SLC17A4: variants seen among roughly 807,000 people sequenced by gnomAD.
SLC17A4 encodes the protein solute carrier family 17 member 4.
In SLC17A4, 33 loss-of-function variants were observed where a neutral mutation model predicts 52.5. The ratio of observed to expected loss-of-function variants is 0.63; its 90% confidence interval spans 0.48 to 0.84. The LOEUF is 0.84. SLC17A4 is among the 40% of genes least tolerant of loss of function. SLC17A4 has a pLI of 0.00. For synonymous variants in SLC17A4, 225 were observed against 216.2 expected (o/e 1.04, Z -0.36); for missense variants, 585 against 597.1 (o/e 0.98, Z 0.21).
rs1033398524 is a variant in SLC17A4 at position 25,780,725 on chromosome 6, A to G, written c.*1537A>G. On this transcript the variant is annotated 3_prime_UTR_variant, in exon 12 of 12. Transcript: ENST00000377905. Reference sequence around the variant, plus strand: ...AGATTAGGTTGGAGTAGGAGCTTACAGTGTAGTCCAGGAGAGAACAATGGC... The same window carrying G: ...AGATTAGGTTGGAGTAGGAGCTTACGGTGTAGTCCAGGAGAGAACAATGGC... 6.6e-6 allele frequency: 1 copy of G among 152,208 alleles called. No individual in the cohort carries two copies. The highest frequency in any genetic ancestry group is 1.5e-5 in the Non-Finnish European group (1 of 68,050). 9.4% of individuals were successfully genotyped at this position (152,208 alleles called of 1,614,324 possible).
At chr6:25,760,867 T>A (rs1761472498) in intron 1 of SLC17A4, among the ~76,000 whole-genome samples, 1 of 152,224 alleles carries the variant, frequency 6.6e-6, no homozygotes, top group Non-Finnish European at 1.5e-5. Context: ...TTTCTTCAAT[T>A]ATTTAAAGCA....
At chr6:25,762,386 C>T (rs111300296) in intron 2 of SLC17A4, among the ~76,000 whole-genome samples, 2 of 152,178 alleles carry the variant, frequency 1.3e-5, no homozygotes, top group African/African-American at 4.8e-5. Context: ...CCTATTAGAT[C>T]TCTCTGCTCA....
At chr6:25,759,470 T>C (rs1369075056) in intron 1 of SLC17A4, among the ~76,000 whole-genome samples, 1 of 152,218 alleles carries the variant, frequency 6.6e-6, no homozygotes, top group African/African-American at 2.4e-5. Flanking sequence ...TTTTATAAAC[T>C]TAAGAGCTCC....
intron 3 of SLC17A4, 21 bp from the exon 4 acceptor site, chr6:25,770,046 G>A: frequency 6.2e-7 from 1 of 1,607,904 alleles, no homozygotes; most frequent in East Asian, 2.2e-5. Context: ...AAGACAAACA[G>A]TAACTCTCTT....
Position 25,779,148 on chromosome 6 carries a change from T to C in SLC17A4, c.1454T>C (p.Val485Ala). 6.2e-7 allele frequency: 1 copy of C among 1,613,916 alleles called. No individual in the cohort carries two copies. The highest frequency in any genetic ancestry group is 8.5e-7 in the Non-Finnish European group (1 of 1,179,834). Residue 485 changes from valine (V) to alanine (A), a missense_variant, in exon 12 of 12, where the codon GTG (valine) becomes GCG (alanine). Coordinates refer to ENST00000377905, the MANE Select transcript of SLC17A4 (RefSeq NM_005495.3). ...TACCTCATCTTTGGCCGAGCAGATG[T>C]GCAGGACTGGGCTAAAGAGCAGACA... ...VFYLIFGRAD[V>A]QDWAKEQTFT...
Position 25,777,898 on chromosome 6 carries a change from A to G in SLC17A4, c.1269-28A>G, listed in dbSNP as rs141991155. The G allele has an allele frequency of 6.1e-4, 970 of 1,581,704 alleles. 12 individuals carry two copies. The East Asian group carries it at 0.02, about 33-fold the overall frequency. ...CTTTCAAACGTAGGTATACTTGGTT[A>G]TAATAGAGTACCATCTCTCTCTCTC... On this transcript the variant is annotated intron_variant, in intron 10 of 11. Transcript: ENST00000377905.
Position 25,770,228 on chromosome 6 carries a change from C to A in SLC17A4, c.459C>A (p.Leu153=), listed in dbSNP as rs371333508. ...TGTTTATTTCCTCATTCCTGACCCT[C>A]TTCATTCCACTGGCAGCTAATGCGG... ...AGLFISSFLT[L]FIPLAANAGV... Residue 153 remains leucine (L), a synonymous_variant, in exon 4 of 12, where the codon CTC becomes CTA. Transcript: ENST00000377905. 5 of 1,614,136 alleles carry A rather than the reference C, an allele frequency of 3.1e-6. No homozygotes were observed. Among genetic ancestry groups the A allele is most frequent in the Non-Finnish European group, 3.4e-6 (4 of 1,179,996 alleles).
intron 1 of SLC17A4, among the ~76,000 whole-genome samples, chr6:25,758,406 ATTG>A (rs1424476722): frequency 7.2e-5 from 11 of 152,208 alleles, no homozygotes; most frequent in Admixed American, 7.2e-4. Flanking sequence ...AAATTACATT[ATTG>A]TTGTAACACA....
chr6:25,770,201 CTTGT>C lies in SLC17A4; in HGVS notation c.435_438del (p.Ile147ProfsTer4), dbSNP rs1230015545. On this transcript the variant is annotated frameshift_variant, in exon 4 of 12. Coordinates refer to ENST00000377905, the MANE Select transcript of SLC17A4 (RefSeq NM_005495.3). LOFTEE classifies it high-confidence loss of function. ...GAGCCAAGTATGTGGTTGGTGCTGG[CTTGT>C]TTATTTCCTCATTCCTGACCCTCTT... 3.1e-6 allele frequency: 5 copies of C among 1,613,970 alleles called. No homozygotes were observed. The highest frequency in any genetic ancestry group is 1.3e-5 in the African/African-American group (1 of 74,904).
At chr6:25,756,094 G>A (rs187614882) in intron 1 of SLC17A4, among the ~76,000 whole-genome samples, 4 of 152,088 alleles carry the variant, frequency 2.6e-5, no homozygotes, top group Non-Finnish European at 5.9e-5. Flanking sequence ...GTCCTTTACA[G>A]CCCATGTGCC....
intron 2 of SLC17A4, among the ~76,000 whole-genome samples, chr6:25,763,865 T>G (rs1381365507): frequency 5.3e-5 from 8 of 152,206 alleles, no homozygotes; most frequent in Admixed American, 5.2e-4. Context: ...TCCATGAGCT[T>G]CTTTCTGTAT....
chr6:25,773,233 T>C, intron 6 of SLC17A4, 42 bp from the exon 7 acceptor site: 1 of 1,456,936 alleles, frequency 6.9e-7, no homozygotes. Context: ...CTGAAAGAAG[T>C]ACTTCAATCC....
intron 10 of SLC17A4, chr6:25,777,601 AACAAC>A (rs1316588841): frequency 1.4e-4 from 29 of 208,622 alleles, no homozygotes; most frequent in African/African-American, 6.9e-4. Flanking sequence ...CAACAACAAC[AACAAC>A]AAAAACCTTA....
rs1762279136 is a variant in SLC17A4, at chr6:25,769,328, G to A, written c.297+138G>A. The A allele has an allele frequency of 4.9e-6, 4 of 819,136 alleles. No individual in the cohort carries two copies. The East Asian group carries it at 8.0e-5, about 16-fold the overall frequency. The allele number at this position is 819,136 out of a possible 1,614,324, so 50.7% of individuals were successfully genotyped here. A position where few individuals can be genotyped will look rare whatever the true frequency, so the allele number is the denominator to read the frequency against. The stretch of plus-strand genomic sequence containing the variant: ...TGCCAGGAATGGCACAAGTACCTAA[G>A]TATCAGGCCGAGCATGGTGGCTCAC... On this transcript the variant is annotated intron_variant, in intron 3 of 11. Transcript: ENST00000377905.
At chr6:25,777,073 C>T (rs1000140139) in intron 10 of SLC17A4, 114 bp downstream of exon 10, 2 of 1,134,870 alleles carry the variant, frequency 1.8e-6, no homozygotes, top group African/African-American at 1.6e-5. Context: ...CAGGAAATGT[C>T]AGCACCAGCT....
Position 25,780,024 on chromosome 6 carries a change from G to A in SLC17A4, c.*836G>A, listed in dbSNP as rs1298348794. 1 of 152,068 alleles carries A rather than the reference G, an allele frequency of 6.6e-6. No homozygotes were observed. Among genetic ancestry groups the A allele is most frequent in the African/African-American group, 2.4e-5 (1 of 41,406 alleles). 9.4% of individuals were successfully genotyped at this position (152,068 alleles called of 1,614,324 possible). A position where few individuals can be genotyped will look rare whatever the true frequency, so the allele number is the denominator to read the frequency against. ...CATTCAGTAGGATTCAATTCAATGTGGAACCATTCAACATTCACCTCATTA... is the reference window on the plus strand; with the variant it reads ...CATTCAGTAGGATTCAATTCAATGTAGAACCATTCAACATTCACCTCATTA... On this transcript the variant is annotated 3_prime_UTR_variant, in exon 12 of 12. Transcript: ENST00000377905.
rs1205498614 is a variant in SLC17A4, at chr6:25,781,189, AAAG to A, written c.*2004_*2006del. 2.9e-5 allele frequency: 4 copies of A among 137,708 alleles called. No homozygotes were observed. The highest frequency in any genetic ancestry group is 8.1e-5 in the African/African-American group (3 of 37,008). The allele number at this position is 137,708 out of a possible 1,614,324, so 8.5% of individuals were successfully genotyped here. ...GGATGATTAGCAGAAAGAAAGAAAG[AAAG>A]AAAGAAAGAAAAGAAAGAGAGAGAG... is the stretch of plus-strand genomic sequence containing the variant. On this transcript the variant is annotated 3_prime_UTR_variant, in exon 12 of 12. Transcript: ENST00000377905.
chr6:25,772,798 C>T lies in SLC17A4; in HGVS notation c.707-477C>T, dbSNP rs143754895. ...TGAATGGTGAGGGCATTTTCAAGCA[C>T]GTGGGGCAAACACGCTACTAACTTG... On this transcript the variant is annotated intron_variant, in intron 6 of 11. Transcript: ENST00000377905. Among the ~76,000 whole-genome samples the T allele has an allele frequency of 2.6e-3, 396 of 152,272 alleles. 2 individuals are homozygous for T. Among genetic ancestry groups the T allele is most frequent in the Non-Finnish European group, 5.3e-3 (360 of 68,016 alleles).
chr6:25,756,005 ACTAGC>A (rs1760982209), intron 1 of SLC17A4, among the ~76,000 whole-genome samples: 1 of 152,168 alleles, frequency 6.6e-6, no homozygotes. Flanking sequence ...TTTCACCACA[ACTAGC>A]CTAGCCCATC....
Sources: gnomAD v4.1 joint callset for allele counts (sites outside exome capture counted in the v4.1 genomes callset) on GRCh38, gnomAD v4.1.1 for gene constraint, MANE v1.5 for transcripts, NCBI Gene and HGNC (gene_info 2026-07-23, HGNC 2026-07-21) for gene names.